SLC44A5: variants seen among roughly 807,000 people sequenced by gnomAD.
SLC44A5 encodes the protein choline transporter-like protein 5.
A neutral mutation model predicts 101.8 loss-of-function variants in SLC44A5; 57 were observed. The ratio of observed to expected loss-of-function variants is 0.56; its 90% CI spans 0.45 to 0.70. The LOEUF (loss-of-function observed/expected upper bound fraction) is 0.70, where lower values mean the gene tolerates loss of function less well. Among genes scored for constraint, SLC44A5 ranks in the 30% least tolerant of loss-of-function variants. The probability of loss-of-function intolerance (pLI) is 0.00; values close to 1 mark genes in which losing one functional copy is unlikely to be tolerated. For synonymous variants in SLC44A5, 281 were observed against 290.9 expected (o/e 0.97, Z 0.35); for missense variants, 737 against 853.1 (o/e 0.86, Z 1.70).
chr1:75,681,341 T>C, the SLC44A5 span, among the ~76,000 whole-genome samples: 21 of 152,252 alleles, frequency 1.4e-4, no homozygotes, highest in South Asian at 4.1e-3. Flanking sequence ...TGATGAACAT[T>C]GATGCACAAA....
chr1:75,470,092 T>G (rs975390976), intron 2 of SLC44A5, among the ~76,000 whole-genome samples: 1 of 152,146 alleles, frequency 6.6e-6, no homozygotes, highest in African/African-American at 2.4e-5. Context: ...CCTACAGTTT[T>G]GGTGTTTCTG....
intron 2 of SLC44A5, among the ~76,000 whole-genome samples, chr1:75,426,459 AG>A (rs765943239): frequency 6.6e-6 from 1 of 152,212 alleles, no homozygotes; most frequent in Non-Finnish European, 1.5e-5. Flanking sequence ...TAAAAGCTAC[AG>A]TTAATATGAA....
chr1:75,485,929 G>C (rs148306421), intron 2 of SLC44A5, among the ~76,000 whole-genome samples: 3 of 151,896 alleles, frequency 2.0e-5, no homozygotes, highest in African/African-American at 7.3e-5. Flanking sequence ...ACTTACTATC[G>C]TAAGAACAGC....
chr1:75,495,430 G>T (rs12138482), intron 2 of SLC44A5, among the ~76,000 whole-genome samples: 9 of 151,912 alleles, frequency 5.9e-5, no homozygotes, highest in African/African-American at 2.2e-4. Context: ...ACTCCAGCCC[G>T]GGTGACAGAG....
At chr1:75,363,588 T>C (rs991796811) in intron 3 of SLC44A5, among the ~76,000 whole-genome samples, 2 of 152,168 alleles carry the variant, frequency 1.3e-5, no homozygotes, top group Non-Finnish European at 2.9e-5. Flanking sequence ...TTTTATGATA[T>C]TGACTTCAAA....
At chr1:75,577,207 G>T (rs1019722411) in intron 1 of SLC44A5, among the ~76,000 whole-genome samples, 6 of 152,098 alleles carry the variant, frequency 3.9e-5, no homozygotes, top group Admixed American at 3.9e-4. Flanking sequence ...CATCCTACTT[G>T]ACCTCCTCTT....
intron 2 of SLC44A5, among the ~76,000 whole-genome samples, chr1:75,526,556 T>C (rs1292971398): frequency 6.6e-6 from 1 of 152,170 alleles, no homozygotes; most frequent in Admixed American, 6.5e-5. Context: ...AAGAAATACA[T>C]GTCTGTTGTG....
At chr1:75,396,084 A>G (rs1210208978) in intron 3 of SLC44A5, among the ~76,000 whole-genome samples, 2 of 152,106 alleles carry the variant, frequency 1.3e-5, no homozygotes, top group African/African-American at 2.4e-5. Flanking sequence ...CTGAATTTCC[A>G]ACTCCCAGGT....
At chr1:75,680,350 A>G in the SLC44A5 span, among the ~76,000 whole-genome samples, 1 of 152,184 alleles carries the variant, frequency 6.6e-6, no homozygotes, top group Non-Finnish European at 1.5e-5. Flanking sequence ...AAAATTGACC[A>G]CATACTTGGA....
At chr1:75,335,143 C>A (rs1036076086) in intron 4 of SLC44A5, among the ~76,000 whole-genome samples, 3 of 152,212 alleles carry the variant, frequency 2.0e-5, no homozygotes, top group Non-Finnish European at 4.4e-5. Context: ...CCTAACATAT[C>A]TGCCTAAACA....
chr1:75,364,462 A>C (rs185943524), intron 3 of SLC44A5, among the ~76,000 whole-genome samples: 1 of 152,302 alleles, frequency 6.6e-6, no homozygotes, highest in East Asian at 1.9e-4. Flanking sequence ...GAGGACAGTA[A>C]CAAGAGGGAT....
At chr1:75,702,810 C>T in the SLC44A5 span, among the ~76,000 whole-genome samples, 10 of 152,012 alleles carry the variant, frequency 6.6e-5, no homozygotes, top group East Asian at 3.9e-4. Context: ...AACAAATTTA[C>T]GAGAAAAAAA....
At chr1:75,665,504 G>A in the SLC44A5 span, among the ~76,000 whole-genome samples, 2 of 152,082 alleles carry the variant, frequency 1.3e-5, no homozygotes, top group Non-Finnish European at 2.9e-5. Flanking sequence ...AAAAATCCTA[G>A]AAGAAAACTT....
chr1:75,330,128 C>CACAT (rs1557669526), intron 4 of SLC44A5, among the ~76,000 whole-genome samples: 3 of 144,498 alleles, frequency 2.1e-5, no homozygotes, highest in African/African-American at 8.2e-5. Context: ...CACACACACA[C>CACAT]ACACACACAC....
chr1:75,461,648 T>C (rs1405693127), intron 2 of SLC44A5, among the ~76,000 whole-genome samples: 1 of 152,180 alleles, frequency 6.6e-6, no homozygotes, highest in Non-Finnish European at 1.5e-5. Context: ...AGCAAACCCT[T>C]GGATAGCATT....
intron 23 of SLC44A5, among the ~76,000 whole-genome samples, chr1:75,209,871 G>A (rs1361912343): frequency 6.6e-6 from 1 of 152,100 alleles, no homozygotes; most frequent in Non-Finnish European, 1.5e-5. Flanking sequence ...ATGTGCTAGA[G>A]AAATAATCTC....
rs927867618 is a variant in SLC44A5 at position 75,459,506 on chromosome 1, G to A, written c.14-62885C>T. 2.5e-4 allele frequency among the ~76,000 whole-genome samples: 38 copies of A among 152,048 alleles called. 2 individuals are homozygous for A. The highest frequency in any genetic ancestry group is 2.1e-3 in the Admixed American group (32 of 15,262). Reference sequence around the variant, plus strand: ...TATTCCCAGCACCTGACAACCACTCGCAGATGTTTGTTCATTTGGTGAGGT... The same window carrying A: ...TATTCCCAGCACCTGACAACCACTCACAGATGTTTGTTCATTTGGTGAGGT... On this transcript the variant is annotated intron_variant, in intron 2 of 23. Transcript: ENST00000370859.
Position 75,564,594 on chromosome 1 carries a change from T to TTTTAAAA in SLC44A5, c.-69-23079_-69-23078insTTTTAAA, listed in dbSNP as rs1303897730. Among the ~76,000 whole-genome samples, 520 of 147,130 alleles carry TTTTAAAA rather than the reference T, an allele frequency of 3.5e-3. 7 individuals are homozygous for TTTTAAAA. The highest frequency in any genetic ancestry group is 0.021 in the Admixed American group (312 of 14,652). On this transcript the variant is annotated intron_variant, in intron 1 of 23. Coordinates refer to ENST00000370859, the MANE Select transcript of SLC44A5 (RefSeq NM_001130058.2). ...CAACCCTGATTTATTTATTTACTTT[T>TTTTAAAA]TTTTTAATTTTTATTTATTTATTTA...
chr1:75,295,752 C>A (rs1462371708), intron 5 of SLC44A5, among the ~76,000 whole-genome samples: 1 of 152,146 alleles, frequency 6.6e-6, no homozygotes, highest in Admixed American at 6.5e-5. Flanking sequence ...ATGAAATGTA[C>A]TAAATGGCAC....
Sources: gnomAD v4.1 joint callset for allele counts (sites outside exome capture counted in the v4.1 genomes callset) on GRCh38, gnomAD v4.1.1 for gene constraint, MANE v1.5 for transcripts, NCBI Gene and HGNC (gene_info 2026-07-23, HGNC 2026-07-21) for gene names.